The following MALRD1 variants were observed in gnomAD, a reference collection of about 807,000 sequenced individuals.
MALRD1 encodes MAM and LDL receptor class A domain containing 1, also known as MAM and LDL-receptor class A domain-containing protein 1.
In MALRD1, 247 loss-of-function variants were observed where a neutral mutation model predicts 242.1. The observed-to-expected ratio is 1.02, with a 90% CI of 0.92 to 1.13. The LOEUF (loss-of-function observed/expected upper bound fraction) is 1.13, where lower values mean the gene tolerates loss of function less well. Among genes scored for constraint, MALRD1 ranks in the 50% most tolerant of loss-of-function variants. The pLI is 0.00. For missense variants in MALRD1, 2,989 were observed against 2,533.1 expected, an observed-to-expected ratio of 1.18 and a Z score of -3.86; for synonymous variants, 995 against 866.6, an observed-to-expected ratio of 1.15 and a Z score of -2.60.
rs1836553359 is a variant in MALRD1 at position 19,108,405 on chromosome 10, T to C, written c.694+4330T>C. On this transcript the variant is annotated intron_variant, in intron 5 of 39. Coordinates refer to ENST00000454679, the MANE Select transcript of MALRD1 (RefSeq NM_001142308.3). ...GTTTTTTCTTTTTTTTTTTTTTTTTTTTTTTTTTTTTTTTTTTTTTAAGAC... is the reference window on the plus strand; with the variant it reads ...GTTTTTTCTTTTTTTTTTTTTTTTTCTTTTTTTTTTTTTTTTTTTTAAGAC... 1.9e-4 allele frequency among the ~76,000 whole-genome samples: 2 copies of C among 10,784 alleles called. 1 individual carries two copies. Among genetic ancestry groups the C allele is most frequent in the Non-Finnish European group, 2.8e-4 (2 of 7,060 alleles). The allele number at this position is 10,784 out of a possible 152,430, so 7.1% of individuals were successfully genotyped here. A position where few individuals can be genotyped will look rare whatever the true frequency, so the allele number is the denominator to read the frequency against.
intron 21 of MALRD1, among the ~76,000 whole-genome samples, chr10:19,308,824 T>G (rs1392629223): frequency 6.6e-6 from 1 of 151,582 alleles, no homozygotes; most frequent in Non-Finnish European, 1.5e-5. Context: ...TAATGTAAAT[T>G]TCCAAATTCA....
chr10:19,712,946 T>A (rs942415983), intron 38 of MALRD1, among the ~76,000 whole-genome samples: 1 of 152,222 alleles, frequency 6.6e-6, no homozygotes, highest in African/African-American at 2.4e-5. Flanking sequence ...AAGGAATATC[T>A]CTGTTTTTGT....
intron 38 of MALRD1, among the ~76,000 whole-genome samples, chr10:19,727,699 T>C (rs1007367513): frequency 6.6e-6 from 1 of 151,926 alleles, no homozygotes. Context: ...CACTTATTCA[T>C]TGGGGGAAAA....
intron 38 of MALRD1, chr10:19,721,806 G>A (rs1237881228): frequency 6.6e-6 from 1 of 152,220 alleles, no homozygotes; most frequent in Non-Finnish European, 1.5e-5. Context: ...TCATCTTCAG[G>A]GAAGCCGCCA....
At chr10:19,246,428 C>T (rs371642736) in intron 18 of MALRD1, among the ~76,000 whole-genome samples, 5 of 152,038 alleles carry the variant, frequency 3.3e-5, no homozygotes, top group African/African-American at 7.2e-5. Flanking sequence ...TGGCATGAGG[C>T]GCTAGTGCTT....
chr10:19,452,854 C>A (rs1835404224), intron 29 of MALRD1, among the ~76,000 whole-genome samples: 1 of 152,120 alleles, frequency 6.6e-6, no homozygotes, highest in African/African-American at 2.4e-5. Flanking sequence ...AACAAGGAGC[C>A]TTGAGTCAAA....
At chr10:19,392,910 A>G (rs1327031653) in intron 28 of MALRD1, among the ~76,000 whole-genome samples, 4 of 152,168 alleles carry the variant, frequency 2.6e-5, no homozygotes, top group African/African-American at 9.7e-5. Context: ...AACCAAGCCA[A>G]ACACTGTGTG....
intron 18 of MALRD1, among the ~76,000 whole-genome samples, chr10:19,235,097 T>C (rs1045006698): frequency 6.6e-6 from 1 of 152,124 alleles, no homozygotes; most frequent in African/African-American, 2.4e-5. Context: ...GTTATAGTCA[T>C]GAATTAGTGC....
intron 36 of MALRD1, among the ~76,000 whole-genome samples, chr10:19,628,338 A>G (rs1289613046): frequency 3.3e-5 from 5 of 152,288 alleles, no homozygotes; most frequent in Middle Eastern, 3.4e-3. Context: ...ATTAACAAGA[A>G]ATATAAACAC....
rs1418797218 is a variant in MALRD1, at chr10:19,535,693, AC to A, written c.5478+4343del. ...GTTTATTTTAATATTTTGCAGTCTT[AC>A]GTATTTTATAATTTTTCTACATGAA... On this transcript the variant is annotated intron_variant, in intron 32 of 39. Transcript: ENST00000454679. Among the ~76,000 whole-genome samples the A allele has an allele frequency of 2.0e-5, 3 of 152,114 alleles. No individual in the cohort carries two copies. The East Asian group carries it at 5.8e-4, about 30-fold the overall frequency.
intron 1 of MALRD1, among the ~76,000 whole-genome samples, chr10:19,064,521 G>A (rs1197714687): frequency 6.7e-6 from 1 of 149,398 alleles, no homozygotes; most frequent in Non-Finnish European, 1.5e-5. Context: ...TTTTTTTTTG[G>A]TAAGAATTAA....
intron 17 of MALRD1, among the ~76,000 whole-genome samples, chr10:19,208,702 G>A (rs2131627398): frequency 6.6e-6 from 1 of 152,274 alleles, no homozygotes; most frequent in Admixed American, 6.5e-5. Context: ...TTGCTATGAA[G>A]TCAGCAATTT....
chr10:19,412,928 C>A (rs1410086201), intron 28 of MALRD1, among the ~76,000 whole-genome samples: 2 of 151,966 alleles, frequency 1.3e-5, no homozygotes, highest in Non-Finnish European at 2.9e-5. Flanking sequence ...CTATGTAGAT[C>A]AAACATTTTA....
At chr10:19,192,754 G>A (rs1436102527) in intron 14 of MALRD1, among the ~76,000 whole-genome samples, 1 of 151,874 alleles carries the variant, frequency 6.6e-6, no homozygotes, top group Non-Finnish European at 1.5e-5. Context: ...TTGTTACATA[G>A]CAAGAGAAAA....
intron 28 of MALRD1, among the ~76,000 whole-genome samples, chr10:19,443,458 A>T (rs935213102): frequency 6.6e-6 from 1 of 152,148 alleles, no homozygotes; most frequent in Non-Finnish European, 1.5e-5. Flanking sequence ...GTGGGCATTT[A>T]GTGCTATAAA....
At chr10:19,232,325 C>G (rs2131700333) in intron 18 of MALRD1, among the ~76,000 whole-genome samples, 1 of 149,626 alleles carries the variant, frequency 6.7e-6, no homozygotes, top group East Asian at 2.0e-4. Context: ...CGCCACGACA[C>G]CCAGCTAATT....
intron 19 of MALRD1, among the ~76,000 whole-genome samples, chr10:19,257,993 A>C (rs1334406643): frequency 1.3e-5 from 2 of 152,166 alleles, no homozygotes; most frequent in Non-Finnish European, 2.9e-5. Context: ...TATGTCTATG[A>C]CTTATCACAT....
At chr10:19,704,009 G>C (rs997780203) in intron 38 of MALRD1, among the ~76,000 whole-genome samples, 23 of 152,252 alleles carry the variant, frequency 1.5e-4, no homozygotes, top group African/African-American at 5.5e-4. Context: ...TTCCTTTTTA[G>C]ACTGTATCTT....
intron 19 of MALRD1, among the ~76,000 whole-genome samples, chr10:19,271,711 C>T (rs1195515382): frequency 2.0e-5 from 3 of 151,334 alleles, no homozygotes; most frequent in East Asian, 1.9e-4. Flanking sequence ...TGCAGTGAGC[C>T]GAGATCTCAC....
Sources: allele counts gnomAD v4.1 joint callset (sites outside exome capture counted in the v4.1 genomes callset), GRCh38; gene constraint gnomAD v4.1.1; transcripts MANE v1.5; gene names NCBI Gene and HGNC (gene_info 2026-07-23, HGNC 2026-07-21).